Variants in RUNX1 observed in about 807,000 individuals in gnomAD.
RUNX1 encodes runt-related transcription factor 1.
A neutral mutation model predicts 42.8 loss-of-function variants in RUNX1; 19 were observed. That is an observed-to-expected ratio of 0.44 (90% confidence interval 0.31 to 0.65). The LOEUF (loss-of-function observed/expected upper bound fraction) is 0.65, where lower values mean the gene tolerates loss of function less well. RUNX1 is among the 30% of genes least tolerant of loss of function. The pLI is 0.07. For synonymous variants in RUNX1, 271 were observed against 289.4 expected, an observed-to-expected ratio of 0.94 and a Z score of 0.64; for missense variants, 528 against 672.0, an observed-to-expected ratio of 0.79 and a Z score of 2.37.
intron 2 of RUNX1, among the ~76,000 whole-genome samples, chr21:34,959,738 G>A (rs2058670053): frequency 6.6e-6 from 1 of 152,158 alleles, no homozygotes; most frequent in African/African-American, 2.4e-5. Flanking sequence ...GCTGGGAACT[G>A]GAGTTAGAAG....
At chr21:34,911,882 T>C (rs1453792851) in intron 2 of RUNX1, among the ~76,000 whole-genome samples, 1 of 152,090 alleles carries the variant, frequency 6.6e-6, no homozygotes, top group Admixed American at 6.6e-5. Context: ...CCCCCAGTTT[T>C]CCCCATGGCT....
chr21:34,967,090 G>A (rs2058724299), intron 2 of RUNX1, among the ~76,000 whole-genome samples: 1 of 151,704 alleles, frequency 6.6e-6, no homozygotes, highest in Non-Finnish European at 1.5e-5. Context: ...GGCGGCCAAG[G>A]CGAGTGGATC....
At chr21:34,837,482 T>C (rs897400750) in intron 6 of RUNX1, among the ~76,000 whole-genome samples, 4 of 152,306 alleles carry the variant, frequency 2.6e-5, no homozygotes, top group South Asian at 2.1e-4. Flanking sequence ...ATGTGCCAAA[T>C]AGCAATATTT....
chr21:34,913,806 A>G (rs891190870), intron 2 of RUNX1, among the ~76,000 whole-genome samples: 2 of 152,178 alleles, frequency 1.3e-5, no homozygotes, highest in African/African-American at 4.8e-5. Flanking sequence ...TCTTGATTGA[A>G]CCGAGGGCTG....
At chr21:34,846,717 G>A (rs1015173870) in intron 6 of RUNX1, among the ~76,000 whole-genome samples, 4 of 152,192 alleles carry the variant, frequency 2.6e-5, no homozygotes, top group Middle Eastern at 3.4e-3. Context: ...AGCAGCTCCC[G>A]AGAACAGACC....
chr21:34,849,977 T>C (rs2057394320), intron 6 of RUNX1, among the ~76,000 whole-genome samples: 1 of 151,622 alleles, frequency 6.6e-6, no homozygotes, highest in Non-Finnish European at 1.5e-5. Context: ...TGAGACCCAG[T>C]GTATCAAATT....
chr21:34,857,973 T>C (rs2146224997), intron 6 of RUNX1, among the ~76,000 whole-genome samples: 1 of 152,180 alleles, frequency 6.6e-6, no homozygotes, highest in South Asian at 2.1e-4. Context: ...AAAGTCTCGA[T>C]CAGAAAAAGC....
At chr21:34,987,689 C>T (rs1442315621) in intron 2 of RUNX1, among the ~76,000 whole-genome samples, 2 of 152,122 alleles carry the variant, frequency 1.3e-5, no homozygotes, top group East Asian at 1.9e-4. Flanking sequence ...AAAAAAAGAG[C>T]ATTTTATCCT....
At chr21:34,964,065 C>A (rs2058700638) in intron 2 of RUNX1, among the ~76,000 whole-genome samples, 1 of 152,220 alleles carries the variant, frequency 6.6e-6, no homozygotes. Flanking sequence ...GTATCAGCCA[C>A]TGCGATAAGG....
intron 2 of RUNX1, among the ~76,000 whole-genome samples, chr21:34,916,159 C>T (rs1190692168): frequency 6.6e-6 from 1 of 152,150 alleles, no homozygotes; most frequent in Non-Finnish European, 1.5e-5. Flanking sequence ...AAAGGCAACG[C>T]CAGTGGCTCA....
intron 2 of RUNX1, among the ~76,000 whole-genome samples, chr21:35,020,005 G>A (rs541838419): frequency 6.6e-5 from 10 of 152,118 alleles, no homozygotes; most frequent in South Asian, 4.1e-4. Context: ...AGTCTTAGGC[G>A]GACCAGGATT....
At chr21:34,829,864 A>C (rs2057038913) in intron 7 of RUNX1, 1 of 152,240 alleles carries the variant, frequency 6.6e-6, no homozygotes, top group Non-Finnish European at 1.5e-5. Context: ...CCAAGGCTGG[A>C]AAGAGGATTT....
chr21:34,885,908 T>C (rs2057977785), intron 4 of RUNX1, among the ~76,000 whole-genome samples: 1 of 152,228 alleles, frequency 6.6e-6, no homozygotes, highest in African/African-American at 2.4e-5. Flanking sequence ...AAATTCCTAC[T>C]GCTTGCTGCT....
chr21:34,965,861 G>T (rs1010804229), intron 2 of RUNX1, among the ~76,000 whole-genome samples: 10 of 152,188 alleles, frequency 6.6e-5, no homozygotes, highest in African/African-American at 2.4e-4. Context: ...GAGAAGCTGA[G>T]GAGGACATTG....
chr21:34,856,975 T>A (rs1412654818), intron 6 of RUNX1, among the ~76,000 whole-genome samples: 3 of 152,176 alleles, frequency 2.0e-5, no homozygotes, highest in Non-Finnish European at 4.4e-5. Flanking sequence ...GAAACCAGCA[T>A]ACTAAAATTA....
At chr21:34,819,594 G>T (rs1251232576) in intron 7 of RUNX1, among the ~76,000 whole-genome samples, 1 of 152,346 alleles carries the variant, frequency 6.6e-6, no homozygotes, top group South Asian at 2.1e-4. Flanking sequence ...CCTGCCATTC[G>T]TCACCCTGAC....
intron 6 of RUNX1, among the ~76,000 whole-genome samples, chr21:34,854,116 T>C (rs1015651474): frequency 1.3e-5 from 2 of 152,100 alleles, no homozygotes; most frequent in African/African-American, 2.4e-5. Context: ...GCCTGGCCCA[T>C]AGGTACTTTT....
intron 2 of RUNX1, among the ~76,000 whole-genome samples, chr21:34,958,592 A>G (rs912436250): frequency 7.2e-5 from 11 of 152,306 alleles, no homozygotes; most frequent in African/African-American, 2.6e-4. Context: ...ACACTTTTAC[A>G]CTGTTGGTGG....
rs2056402415 is a variant in RUNX1, at chr21:34,788,911, A to G, written c.*3224T>C. On this transcript the variant is annotated 3_prime_UTR_variant, in exon 9 of 9. Coordinates refer to ENST00000675419, the MANE Select transcript of RUNX1 (RefSeq NM_001754.5). ...AAAAATCATCAGGACGGAATGTCCC[A>G]AAGAAACAGGTATTTCAAGGCAGAA... 4.3e-6 allele frequency: 1 copy of G among 233,336 alleles called. No individual in the cohort carries two copies. The highest frequency in any genetic ancestry group is 8.5e-6 in the Non-Finnish European group (1 of 118,056). The allele number at this position is 233,336 out of a possible 1,614,324, so 14.5% of individuals were successfully genotyped here. A position where few individuals can be genotyped will look rare whatever the true frequency, so the allele number is the denominator to read the frequency against.
Sources: allele counts gnomAD v4.1 joint callset (sites outside exome capture counted in the v4.1 genomes callset), GRCh38; gene constraint gnomAD v4.1.1; transcripts MANE v1.5; gene names NCBI Gene and HGNC (gene_info 2026-07-23, HGNC 2026-07-21).